PRELID2: variants seen among roughly 807,000 people sequenced by gnomAD.
PRELID2 encodes PRELI domain-containing protein 2.
PRELID2 carries 25 observed loss-of-function variants against 28.4 expected under a neutral mutation model. The ratio of observed to expected loss-of-function variants is 0.88; its 90% confidence interval spans 0.64 to 1.23. The LOEUF is 1.23. Among genes scored for constraint, PRELID2 ranks in the 50% most tolerant of loss-of-function variants. The pLI is 0.00. For missense variants in PRELID2, 201 were observed against 214.4 expected (o/e 0.94, Z 0.39); for synonymous variants, 76 against 71.6 (o/e 1.06, Z -0.31).
At chr5:145,289,993 G>GA in the PRELID2 span, among the ~76,000 whole-genome samples, 1 of 152,102 alleles carries the variant, frequency 6.6e-6, no homozygotes, top group Non-Finnish European at 1.5e-5. Context: ...GCAGACACAT[G>GA]AAAAAATGCT....
chr5:145,485,442 G>C (rs1313725379), intron 1 of PRELID2, among the ~76,000 whole-genome samples: 1 of 152,236 alleles, frequency 6.6e-6, no homozygotes, highest in Non-Finnish European at 1.5e-5. Context: ...CACAGAACTT[G>C]AGATAATCTT....
the PRELID2 span, among the ~76,000 whole-genome samples, chr5:145,285,082 G>T: frequency 6.6e-6 from 1 of 152,048 alleles, no homozygotes; most frequent in Non-Finnish European, 1.5e-5. Context: ...TCATGCAATT[G>T]GTAACGGTCA....
intron 4 of PRELID2, among the ~76,000 whole-genome samples, chr5:145,815,108 AC>A (rs1240457872): frequency 6.6e-6 from 1 of 152,158 alleles, no homozygotes; most frequent in Non-Finnish European, 1.5e-5. Context: ...TGAGTTAGAG[AC>A]TGCATTTTGG....
chr5:145,691,675 G>A (rs533761263), intron 1 of PRELID2, among the ~76,000 whole-genome samples: 2 of 152,098 alleles, frequency 1.3e-5, no homozygotes, highest in South Asian at 2.1e-4. Flanking sequence ...CCGAGATTAC[G>A]CCACTGCACT....
chr5:145,651,177 G>C (rs900475986), intron 1 of PRELID2, among the ~76,000 whole-genome samples: 26 of 152,184 alleles, frequency 1.7e-4, no homozygotes, highest in Non-Finnish European at 7.4e-5. Flanking sequence ...AGCAGTCTGA[G>C]ATCGAACTGC....
intron 1 of PRELID2, among the ~76,000 whole-genome samples, chr5:145,710,438 A>G (rs1619551): frequency 0.2 from 29,763 of 152,062 alleles, 3,510 homozygotes; most frequent in African/African-American, 0.33. Flanking sequence ...GGTAGGAAAT[A>G]GAATTAAGTG....
At chr5:145,510,454 C>T (rs925231366) in intron 1 of PRELID2, among the ~76,000 whole-genome samples, 1 of 152,134 alleles carries the variant, frequency 6.6e-6, no homozygotes, top group Non-Finnish European at 1.5e-5. Flanking sequence ...CAGTAAGAGG[C>T]CTCAGAGGGG....
rs1376420176 is a variant in PRELID2 at position 145,742,243 on chromosome 5, T to A, written n.70+22688A>T. On this transcript the variant is annotated intron_variant and non_coding_transcript_variant, in intron 1 of 2. Transcript: ENST00000510259. ...ATTTATATATAAATAAAATATATTT[T>A]TATATAAATAAAATATATATTTTTA... is the stretch of plus-strand genomic sequence containing the variant. Among the ~76,000 whole-genome samples the A allele has an allele frequency of 4.4e-3, 624 of 140,660 alleles. 5 individuals carry two copies. The highest frequency in any genetic ancestry group is 0.014 in the African/African-American group (552 of 38,736). The allele number at this position is 140,660 out of a possible 152,430, so 92.3% of individuals were successfully genotyped here. A position where few individuals can be genotyped will look rare whatever the true frequency, so the allele number is the denominator to read the frequency against.
chr5:145,635,800 G>A (rs566451894), intron 1 of PRELID2, among the ~76,000 whole-genome samples: 2 of 152,304 alleles, frequency 1.3e-5, no homozygotes, highest in African/African-American at 4.8e-5. Flanking sequence ...GCTGGCCACA[G>A]GCTGTTAATG....
chr5:145,821,152 G>GGGGTGTGTGTGTGTGTGTGT (rs1471788872), intron 2 of PRELID2, among the ~76,000 whole-genome samples: 14 of 88,264 alleles, frequency 1.6e-4, no homozygotes, highest in African/African-American at 5.2e-4. Context: ...AACTCTCCTG[G>GGGGTGTGTGTGTGTGTGTGT]GTGTGTGTGT....
chr5:145,295,680 G>C, the PRELID2 span, among the ~76,000 whole-genome samples: 779 of 152,244 alleles, frequency 5.1e-3, 5 homozygotes, highest in Non-Finnish European at 8.3e-3. Context: ...TCATTTTTCA[G>C]ATATGAAAAC....
the PRELID2 span, among the ~76,000 whole-genome samples, chr5:145,335,890 C>G: frequency 1.1e-3 from 172 of 152,218 alleles, 1 homozygote; most frequent in Non-Finnish European, 3.7e-4. Flanking sequence ...GTCCCACCAA[C>G]AGTGTAAAAG....
intron 1 of PRELID2, among the ~76,000 whole-genome samples, chr5:145,571,990 A>AAAAG (rs60936683): frequency 0.1 from 15,166 of 151,122 alleles, 2,101 homozygotes; most frequent in African/African-American, 0.31. Flanking sequence ...TCAAAAAAAA[A>AAAAG]AAAGAAAGAA....
At chr5:145,819,288 T>G (rs1754590663) in intron 3 of PRELID2, 7 of 841,484 alleles carry the variant, frequency 8.3e-6, no homozygotes, top group Non-Finnish European at 1.4e-5. Flanking sequence ...CATATCCAGA[T>G]GCTTTCCTCT....
At chr5:145,470,550 A>T (rs994429640), downstream of PRELID2, among the ~76,000 whole-genome samples, 6 of 152,142 alleles carry the variant, frequency 3.9e-5, no homozygotes, top group Non-Finnish European at 8.8e-5. Flanking sequence ...AATGAGACAT[A>T]AAGAGTTGCA....
chr5:145,742,037 A>T (rs1189690622), intron 1 of PRELID2, among the ~76,000 whole-genome samples: 10 of 127,956 alleles, frequency 7.8e-5, no homozygotes, highest in African/African-American at 2.8e-4. Context: ...TTTATTCATT[A>T]ATAATAAATA....
chr5:145,775,239 CA>C (rs373926928), intron 5 of PRELID2, among the ~76,000 whole-genome samples: 33 of 140,386 alleles, frequency 2.4e-4, no homozygotes, highest in Non-Finnish European at 1.7e-4. Context: ...GACTCCATCT[CA>C]AAAAAAAAAA....
At chr5:145,475,170 A>G (rs935963871) in intron 1 of PRELID2, among the ~76,000 whole-genome samples, 3 of 152,186 alleles carry the variant, frequency 2.0e-5, no homozygotes, top group Admixed American at 6.6e-5. Flanking sequence ...CTTTACGAAC[A>G]CTTGTTGAAT....
At chr5:145,234,560 C>A in the PRELID2 span, among the ~76,000 whole-genome samples, 1 of 151,988 alleles carries the variant, frequency 6.6e-6, no homozygotes, top group Non-Finnish European at 1.5e-5. Context: ...AGAGTATTTC[C>A]TAAAAAGCGT....
Sources: gnomAD v4.1 joint callset for allele counts (sites outside exome capture counted in the v4.1 genomes callset) on GRCh38, gnomAD v4.1.1 for gene constraint, MANE v1.5 for transcripts, NCBI Gene and HGNC (gene_info 2026-07-23, HGNC 2026-07-21) for gene names.